Variants in BICRA observed in about 807,000 individuals in gnomAD.
BICRA encodes BRD4-interacting chromatin-remodeling complex-associated protein.
BICRA carries 31 observed loss-of-function variants against 96.9 expected under a neutral mutation model. That is an observed-to-expected ratio of 0.32 (90% CI 0.24 to 0.43). BICRA has a LOEUF of 0.43. BICRA is among the 20% of genes least tolerant of loss of function. The probability of loss-of-function intolerance (pLI) is 1.00; values close to 1 mark genes in which losing one functional copy is unlikely to be tolerated. For synonymous variants in BICRA, 1,350 were observed against 1,071.8 expected, an observed-to-expected ratio of 1.26 and a Z score of -5.07; for missense variants, 2,283 against 2,190.3, an observed-to-expected ratio of 1.04 and a Z score of -0.84.
chr19:47,681,344 G>A, intron 6 of BICRA, 68 bp downstream of exon 6: 1 of 1,402,266 alleles, frequency 7.1e-7, no homozygotes, highest in South Asian at 1.2e-5. Context: ...GGGTCCTGGG[G>A]CGAGGCGCCA....
intron 11 of BICRA, among the ~76,000 whole-genome samples, chr19:47,697,048 C>T (rs554360968): frequency 3.3e-5 from 5 of 152,112 alleles, no homozygotes; most frequent in African/African-American, 1.2e-4. Context: ...ACTCTGTCAC[C>T]TAGGCTAGAG....
chr19:47,692,956 G>A (rs992132724), intron 7 of BICRA, among the ~76,000 whole-genome samples: 3 of 152,232 alleles, frequency 2.0e-5, no homozygotes, highest in Admixed American at 6.5e-5. Context: ...CCTCAGTTCC[G>A]CCTTCACCAG....
chr19:47,609,650 C>T (rs1971867218), intron 1 of BICRA, among the ~76,000 whole-genome samples: 1 of 151,740 alleles, frequency 6.6e-6, no homozygotes, highest in Non-Finnish European at 1.5e-5. Flanking sequence ...CCCCGCTCCC[C>T]GCCTTTCGGG....
intron 1 of BICRA, among the ~76,000 whole-genome samples, chr19:47,624,115 T>G (rs1228843315): frequency 6.6e-6 from 1 of 152,112 alleles, no homozygotes; most frequent in African/African-American, 2.4e-5. Flanking sequence ...CCTCCCAAAG[T>G]GCTGGGATTA....
At chr19:47,667,471 A>AG (rs1972799856) in intron 1 of BICRA, among the ~76,000 whole-genome samples, 3 of 152,144 alleles carry the variant, frequency 2.0e-5, no homozygotes, top group Non-Finnish European at 1.5e-5. Flanking sequence ...TTCTGCTGGT[A>AG]GGTAGGTCGT....
At chr19:47,617,495 C>T (rs900164899) in intron 1 of BICRA, among the ~76,000 whole-genome samples, 1 of 151,962 alleles carries the variant, frequency 6.6e-6, no homozygotes, top group Non-Finnish European at 1.5e-5. Flanking sequence ...TCCCGAGTAG[C>T]TGGAATTACA....
At chr19:47,630,918 T>A (rs960872194) in intron 1 of BICRA, among the ~76,000 whole-genome samples, 2 of 151,810 alleles carry the variant, frequency 1.3e-5, no homozygotes, top group Non-Finnish European at 2.9e-5. Context: ...TAGTCTTTTA[T>A]TTTTTTTCCC....
chr19:47,670,918 T>C (rs1972852884), intron 2 of BICRA, among the ~76,000 whole-genome samples: 1 of 151,534 alleles, frequency 6.6e-6, no homozygotes, highest in Non-Finnish European at 1.5e-5. Flanking sequence ...GTGGTGAGAG[T>C]ACGTCCTCAC....
Position 47,646,179 on chromosome 19 carries a change from CA to C in BICRA, c.-107-24263del, listed in dbSNP as rs57013046. On this transcript the variant is annotated intron_variant, in intron 1 of 14. Transcript: ENST00000594866. ...CAGGGAGGTGCATTTTGGGATCTGGCAGGGGGTGGAGGAGGGGTACGTCCAG... is the reference window on the plus strand; with the variant it reads ...CAGGGAGGTGCATTTTGGGATCTGGCGGGGGTGGAGGAGGGGTACGTCCAG... Among the ~76,000 whole-genome samples the C allele has an allele frequency of 7.1e-3, 1,076 of 152,224 alleles. 21 individuals are homozygous for C. Among genetic ancestry groups the C allele is most frequent in the African/African-American group, 0.024 (1,003 of 41,528 alleles).
intron 7 of BICRA, among the ~76,000 whole-genome samples, chr19:47,685,780 T>TGCGC (rs1356497911): frequency 3.0e-4 from 39 of 131,294 alleles, no homozygotes; most frequent in Admixed American, 1.8e-3. Context: ...TGTGTGTGTG[T>TGCGC]GTGTGTGCGC....
rs773313529 is a variant in BICRA at position 47,701,539 on chromosome 19, C to T, written c.3807C>T (p.Ser1269=). 1.9e-6 allele frequency: 3 copies of T among 1,549,286 alleles called. No individual in the cohort carries two copies. The highest frequency in any genetic ancestry group is 2.6e-6 in the Non-Finnish European group (3 of 1,147,068). The stretch of plus-strand genomic sequence containing the variant: ...GGGCCCGGGCGTCCTCCTCCCTGTC[C>T]TCCTCTTCCTCCTCCTCCTCTGCCG... ...VTWARASSSL[S]SSSSSSSAAS... The change falls in exon 15 of 15, where the codon TCC becomes TCT. Residue 1269 remains serine, a synonymous_variant. Transcript: ENST00000594866. The surrounding 1 kb of genome is among the most constrained non-coding windows in gnomAD (Gnocchi z 5.4).
At chr19:47,646,465 G>A (rs941571133) in intron 1 of BICRA, among the ~76,000 whole-genome samples, 3 of 152,036 alleles carry the variant, frequency 2.0e-5, no homozygotes, top group Admixed American at 6.6e-5. Context: ...ACACACACAC[G>A]GCTGAAACAC....
At chr19:47,626,719 T>TG (rs1249236055) in intron 1 of BICRA, among the ~76,000 whole-genome samples, 5 of 30,450 alleles carry the variant, frequency 1.6e-4, no homozygotes, top group East Asian at 9.5e-4. Flanking sequence ...CATCCTGGGT[T>TG]TTTTTTTTTT....
At chr19:47,610,179 G>T (rs1182330125) in intron 1 of BICRA, among the ~76,000 whole-genome samples, 1 of 152,202 alleles carries the variant, frequency 6.6e-6, no homozygotes, top group Non-Finnish European at 1.5e-5. Context: ...CCAGGCCGCG[G>T]GCACCCGGAG....
chr19:47,650,828 G>C (rs1229697807), intron 1 of BICRA, among the ~76,000 whole-genome samples: 5 of 152,120 alleles, frequency 3.3e-5, no homozygotes, highest in Non-Finnish European at 5.9e-5. Flanking sequence ...TGAGAGGAAG[G>C]AGCATGTGTG....
intron 10 of BICRA, 52 bp downstream of exon 10, chr19:47,695,526 C>A: frequency 1.2e-6 from 1 of 837,970 alleles, no homozygotes; most frequent in Non-Finnish European, 2.0e-6. Flanking sequence ...TCTTCGGGAA[C>A]TGGGAACTGG....
At chr19:47,673,841 C>T in intron 4 of BICRA, 79 bp downstream of exon 4, 2 of 1,233,120 alleles carry the variant, frequency 1.6e-6, no homozygotes, top group Non-Finnish European at 2.4e-6. Context: ...AGAGACATGT[C>T]CCTTTGATGA....
At position 47,635,286 on chromosome 19, in the gene BICRA, C is replaced by T. The variant is rs370410277; in HGVS notation, c.-108+26118C>T. Among the ~76,000 whole-genome samples the T allele has an allele frequency of 7.4e-5, 11 of 148,272 alleles. No homozygotes were observed. The South Asian group carries it at 8.5e-4, about 11-fold the overall frequency. On this transcript the variant is annotated intron_variant, in intron 1 of 14. Transcript: ENST00000594866. ...TTTTTGAGACCGGGTCTGGCTCTGTCGCCCAGGCTGGAGTGCAGTGGCTGG... is the reference window on the plus strand; with the variant it reads ...TTTTTGAGACCGGGTCTGGCTCTGTTGCCCAGGCTGGAGTGCAGTGGCTGG...
chr19:47,682,130 C>G lies in BICRA; in HGVS notation c.2261C>G (p.Ala754Gly). 6.7e-7 allele frequency: 1 copy of G among 1,493,652 alleles called. No individual in the cohort carries two copies. Among genetic ancestry groups the G allele is most frequent in the South Asian group, 1.2e-5 (1 of 82,574 alleles). 92.5% of individuals were successfully genotyped at this position (1,493,652 alleles called of 1,614,324 possible). ...GGCCCTCAGGCCCCCGACAGCCAGGCTTCCCCGGCTCCGGCCCCCCAGGTA... is the reference window on the plus strand; with the variant it reads ...GGCCCTCAGGCCCCCGACAGCCAGGGTTCCCCGGCTCCGGCCCCCCAGGTA... ...GLGPQAPDSQ[A>G]SPAPAPQIPA... The change falls in exon 7 of 15, where the codon GCT becomes GGT. Residue 754 changes from alanine to glycine, a missense_variant. Coordinates refer to ENST00000594866, the MANE Select transcript of BICRA (RefSeq NM_001394372.1).
Sources: allele counts gnomAD v4.1 joint callset (sites outside exome capture counted in the v4.1 genomes callset), GRCh38; gene constraint gnomAD v4.1.1; non-coding constraint Gnocchi (gnomAD v3.1); transcripts MANE v1.5; gene names NCBI Gene and HGNC (gene_info 2026-07-23, HGNC 2026-07-21).